The following CNTN4 variants were observed in gnomAD, a reference collection of about 807,000 sequenced individuals.
The protein encoded by CNTN4 is contactin 4.
A neutral mutation model predicts 122.5 loss-of-function variants in CNTN4; 77 were observed. The observed-to-expected ratio is 0.63, with a 90% CI of 0.52 to 0.76. The LOEUF (loss-of-function observed/expected upper bound fraction) is 0.76, where lower values mean the gene tolerates loss of function less well. Ranked by LOEUF, CNTN4 falls within the 30% of genes least tolerant of loss-of-function variation. CNTN4 has a pLI of 0.00. For missense variants in CNTN4, 1,256 were observed against 1,259.1 expected (o/e 1.00, Z 0.04); for synonymous variants, 512 against 447.0 (o/e 1.15, Z -1.83).
chr3:2,648,115 T>C, intron 4 of CNTN4, among the ~76,000 whole-genome samples: 1 of 152,198 alleles, frequency 6.6e-6, no homozygotes. Context: ...AAAATGCCAC[T>C]TTGCCTTCAG....
intron 6 of CNTN4, among the ~76,000 whole-genome samples, chr3:2,789,660 A>T (rs2091947050): frequency 6.6e-6 from 1 of 152,220 alleles, no homozygotes; most frequent in Non-Finnish European, 1.5e-5. Context: ...GAAACTCCTG[A>T]CTTCAAGTGA....
chr3:2,903,193 C>T (rs1010241623), intron 12 of CNTN4, among the ~76,000 whole-genome samples, 188 bp downstream of exon 12: 8 of 152,104 alleles, frequency 5.3e-5, no homozygotes, highest in Non-Finnish European at 8.8e-5. Context: ...TTTCTAAATC[C>T]GCCTCTTCTG....
At chr3:2,412,529 A>C (rs1157353497) in intron 3 of CNTN4, among the ~76,000 whole-genome samples, 1 of 152,166 alleles carries the variant, frequency 6.6e-6, no homozygotes, top group East Asian at 1.9e-4. Flanking sequence ...CTGGGATTAC[A>C]GGCATGAGCC....
At chr3:2,285,052 A>G (rs2041853150) in intron 2 of CNTN4, among the ~76,000 whole-genome samples, 1 of 152,012 alleles carries the variant, frequency 6.6e-6, no homozygotes, top group Non-Finnish European at 1.5e-5. Flanking sequence ...AAAGAGAGAC[A>G]AATGATACAA....
At chr3:2,978,786 T>C (rs7612170) in intron 13 of CNTN4, among the ~76,000 whole-genome samples, 69,196 of 151,748 alleles carry the variant, frequency 0.46, 18,730 homozygotes, top group African/African-American at 0.78. Flanking sequence ...GCAGTCTTCC[T>C]TTCCTGGAGC....
At chr3:2,736,401 A>G in intron 5 of CNTN4, 60 bp downstream of exon 5, 1 of 1,390,486 alleles carries the variant, frequency 7.2e-7, no homozygotes, top group Non-Finnish European at 1.0e-6. Flanking sequence ...AAAATCAACA[A>G]ATACTTATAC....
At chr3:2,166,291 A>AT (rs35410558) in intron 2 of CNTN4, among the ~76,000 whole-genome samples, 3 of 151,774 alleles carry the variant, frequency 2.0e-5, no homozygotes, top group African/African-American at 4.8e-5. Context: ...ACCTGTTAGG[A>AT]TTTTTTTTGG....
At chr3:2,413,130 C>G (rs1027769500) in intron 3 of CNTN4, among the ~76,000 whole-genome samples, 2 of 152,258 alleles carry the variant, frequency 1.3e-5, no homozygotes, top group East Asian at 1.9e-4. Flanking sequence ...GATCTAATGA[C>G]TGTCTTCTCT....
intron 3 of CNTN4, among the ~76,000 whole-genome samples, chr3:2,553,752 T>G (rs1234107584): frequency 6.6e-6 from 1 of 152,186 alleles, no homozygotes; most frequent in African/African-American, 2.4e-5. Flanking sequence ...AATATTTATT[T>G]CTGCTGATAT....
At chr3:2,228,812 C>T (rs1302827195) in intron 2 of CNTN4, among the ~76,000 whole-genome samples, 2 of 151,956 alleles carry the variant, frequency 1.3e-5, no homozygotes, top group Non-Finnish European at 2.9e-5. Flanking sequence ...TTCTATAACC[C>T]AATTAATATT....
intron 4 of CNTN4, among the ~76,000 whole-genome samples, chr3:2,701,973 G>T (rs893563843): frequency 2.0e-5 from 3 of 152,178 alleles, no homozygotes; most frequent in Non-Finnish European, 4.4e-5. Context: ...AAATTATGGA[G>T]ATCTTAGCCA....
intron 2 of CNTN4, among the ~76,000 whole-genome samples, chr3:2,125,718 C>T (rs1044684265): frequency 2.2e-4 from 34 of 151,716 alleles, no homozygotes; most frequent in South Asian, 6.3e-4. Flanking sequence ...CCACCATGCC[C>T]GGCAAATTTT....
chr3:2,915,909 T>G (rs2094348487), intron 12 of CNTN4, among the ~76,000 whole-genome samples: 1 of 152,238 alleles, frequency 6.6e-6, no homozygotes, highest in Non-Finnish European at 1.5e-5. Flanking sequence ...GACATTATGC[T>G]AATGAAACGA....
intron 3 of CNTN4, among the ~76,000 whole-genome samples, chr3:2,450,605 C>G (rs2048793948): frequency 6.6e-6 from 1 of 151,960 alleles, no homozygotes; most frequent in Non-Finnish European, 1.5e-5. Flanking sequence ...CACTTTGTCT[C>G]CTGTCCAGGT....
chr3:2,514,847 C>T (rs1439200659), intron 3 of CNTN4, among the ~76,000 whole-genome samples: 3 of 152,096 alleles, frequency 2.0e-5, no homozygotes, highest in African/African-American at 7.2e-5. Flanking sequence ...AACAATATTT[C>T]ACTAGGATGC....
chr3:2,933,153 G>A (rs1049399454), intron 13 of CNTN4, among the ~76,000 whole-genome samples: 8 of 152,020 alleles, frequency 5.3e-5, no homozygotes, highest in Non-Finnish European at 1.0e-4. Flanking sequence ...GGCTGTGATC[G>A]GCCTCAGGAA....
intron 3 of CNTN4, among the ~76,000 whole-genome samples, chr3:2,555,561 G>A (rs535150417): frequency 6.6e-6 from 1 of 152,264 alleles, no homozygotes; most frequent in Non-Finnish European, 1.5e-5. Flanking sequence ...GTACTAAACT[G>A]TTATTATGAA....
At chr3:2,762,415 C>T (rs968633867) in intron 6 of CNTN4, among the ~76,000 whole-genome samples, 8 of 152,078 alleles carry the variant, frequency 5.3e-5, no homozygotes, top group Non-Finnish European at 1.0e-4. Flanking sequence ...TTCTATGTGT[C>T]GATGTGTTCT....
intron 3 of CNTN4, among the ~76,000 whole-genome samples, chr3:2,528,005 G>T (rs990398471): frequency 1.3e-5 from 2 of 152,086 alleles, no homozygotes; most frequent in African/African-American, 2.4e-5. Context: ...TTTGGTCATA[G>T]ACTTTTTCTG....
Sources: allele counts gnomAD v4.1 joint callset (sites outside exome capture counted in the v4.1 genomes callset), GRCh38; gene constraint gnomAD v4.1.1; transcripts MANE v1.5; gene names NCBI Gene and HGNC (gene_info 2026-07-23, HGNC 2026-07-21).